ABCC4: variants seen among roughly 807,000 people sequenced by gnomAD.
ABCC4 encodes the protein ATP-binding cassette sub-family C member 4.
A neutral mutation model predicts 168.5 loss-of-function variants in ABCC4; 102 were observed. That is an observed-to-expected ratio of 0.61 (90% CI 0.52 to 0.71). The LOEUF is 0.71. ABCC4 is among the 30% of genes least tolerant of loss of function. ABCC4 has a pLI of 0.00. For synonymous variants in ABCC4, 617 were observed against 590.7 expected, an observed-to-expected ratio of 1.04 and a Z score of -0.65; for missense variants, 1,402 against 1,605.8, an observed-to-expected ratio of 0.87 and a Z score of 2.17.
At chr13:95,138,698 T>C (rs902995537) in intron 19 of ABCC4, among the ~76,000 whole-genome samples, 1 of 152,210 alleles carries the variant, frequency 6.6e-6, no homozygotes. Flanking sequence ...TCCCTATTTT[T>C]ACTCTTAATA....
Position 95,298,082 on chromosome 13 carries a change from A to T in ABCC4, c.74+3159T>A, listed in dbSNP as rs2014671. ...GGCGGGCAGATCACCTGAGGTCAGG[A>T]GTTCAAGACCAGCCTGGCCAACATG... On this transcript the variant is annotated intron_variant, in intron 1 of 30. Coordinates refer to ENST00000645237, the MANE Select transcript of ABCC4 (RefSeq NM_005845.5). Among the ~76,000 whole-genome samples, 1,062 of 152,264 alleles carry T rather than the reference A, an allele frequency of 7.0e-3. 14 individuals carry two copies. The highest frequency in any genetic ancestry group is 0.024 in the African/African-American group (1,015 of 41,552).
chr13:95,195,864 C>T (rs9561806), intron 8 of ABCC4, among the ~76,000 whole-genome samples: 14,302 of 152,080 alleles, frequency 0.094, 860 homozygotes, highest in East Asian at 0.2. Flanking sequence ...GAACTGCTGG[C>T]CTCAAGCAAT....
At chr13:95,178,383 G>C (rs920492126) in intron 11 of ABCC4, among the ~76,000 whole-genome samples, 4 of 152,190 alleles carry the variant, frequency 2.6e-5, no homozygotes. Flanking sequence ...TGTGAATTCA[G>C]CAGCGAAAGA....
chr13:95,165,914 C>T (rs2139559130), intron 15 of ABCC4, among the ~76,000 whole-genome samples: 1 of 152,270 alleles, frequency 6.6e-6, no homozygotes, highest in Non-Finnish European at 1.5e-5. Context: ...TTAGGACTTG[C>T]ACCAGCATAC....
intron 21 of ABCC4, among the ~76,000 whole-genome samples, chr13:95,082,732 A>G (rs1211126134): frequency 1.3e-5 from 2 of 152,160 alleles, no homozygotes; most frequent in Non-Finnish European, 2.9e-5. Flanking sequence ...CTTCGGGGAA[A>G]GATACTAAAA....
At chr13:95,115,546 T>A (rs1212196110) in intron 20 of ABCC4, among the ~76,000 whole-genome samples, 1 of 149,168 alleles carries the variant, frequency 6.7e-6, no homozygotes, top group African/African-American at 2.5e-5. Context: ...TTTGTGGTAA[T>A]ACAATGCATA....
intron 20 of ABCC4, among the ~76,000 whole-genome samples, chr13:95,113,579 AAAAAAATTACAT>A (rs770312931): frequency 0.012 from 1,811 of 152,258 alleles, 18 homozygotes; most frequent in Non-Finnish European, 0.018. Flanking sequence ...AAAAAAAAAA[AAAAAAATTACAT>A]TTAGATTTTT....
rs562932650 is a variant in ABCC4, at chr13:95,171,378, T to C, written c.1728-750A>G. On this transcript the variant is annotated intron_variant, in intron 13 of 30. Transcript: ENST00000645237. Reference sequence around the variant, plus strand: ...TCAAAGTTCTCCTACATTGTAAACGTAGACTCCTGGGAGCTACAAAAAAAA... The same window carrying C: ...TCAAAGTTCTCCTACATTGTAAACGCAGACTCCTGGGAGCTACAAAAAAAA... Among the ~76,000 whole-genome samples the C allele has an allele frequency of 6.9e-5, 9 of 129,960 alleles. 1 individual carries two copies. Among genetic ancestry groups the C allele is most frequent in the Admixed American group, 6.5e-4 (8 of 12,234 alleles). The allele number at this position is 129,960 out of a possible 152,430, so 85.3% of individuals were successfully genotyped here. A position where few individuals can be genotyped will look rare whatever the true frequency, so the allele number is the denominator to read the frequency against.
chr13:95,084,259 A>G (rs950104649), intron 20 of ABCC4, among the ~76,000 whole-genome samples: 7 of 152,160 alleles, frequency 4.6e-5, no homozygotes, highest in Admixed American at 1.3e-4. Flanking sequence ...GCACAGGGAG[A>G]AAAAAGTAAC....
chr13:95,091,764 AACACAAAGTAC>A (rs993080963), intron 20 of ABCC4, among the ~76,000 whole-genome samples: 8 of 152,116 alleles, frequency 5.3e-5, no homozygotes, highest in Non-Finnish European at 1.0e-4. Flanking sequence ...AAACAAAAAA[AACACAAAGTAC>A]ACAGACAACA....
chr13:95,284,230 A>C (rs890827047), intron 1 of ABCC4, among the ~76,000 whole-genome samples: 1 of 152,152 alleles, frequency 6.6e-6, no homozygotes, highest in Non-Finnish European at 1.5e-5. Context: ...TGTGTTGTCC[A>C]GGCTGGAGTG....
At chr13:95,163,307 C>T (rs1471595603) in intron 17 of ABCC4, 91 bp from the exon 18 acceptor site, 15 of 855,264 alleles carry the variant, frequency 1.8e-5, no homozygotes, top group Admixed American at 4.6e-5. Context: ...TTGGGAGAAA[C>T]GCTTCATGCT....
Position 95,185,911 on chromosome 13 carries a change from T to C in ABCC4, c.1545+790A>G, listed in dbSNP as rs533213345. Among the ~76,000 whole-genome samples the C allele has an allele frequency of 2.0e-5, 3 of 152,118 alleles. No homozygotes were observed. The South Asian group carries it at 6.2e-4, about 32-fold the overall frequency. On this transcript the variant is annotated intron_variant, in intron 11 of 30. Transcript: ENST00000645237. ...AAAACAGTTTCCTTTAAATAATAAA[T>C]TGCACTGTAAATTTATCCATGTAAC...
At chr13:95,030,145 C>T (rs994176852) in intron 30 of ABCC4, among the ~76,000 whole-genome samples, 1 of 152,234 alleles carries the variant, frequency 6.6e-6, no homozygotes, top group African/African-American at 2.4e-5. Flanking sequence ...CTCAGCCTCC[C>T]GAGTAGCTGA....
chr13:95,110,081 G>C (rs1330916278), intron 20 of ABCC4, among the ~76,000 whole-genome samples: 1 of 152,128 alleles, frequency 6.6e-6, no homozygotes, highest in Non-Finnish European at 1.5e-5. Context: ...GGCCGAGACG[G>C]GCAGATCACT....
intron 1 of ABCC4, chr13:95,269,387 C>G (rs1221110760): frequency 2.3e-6 from 1 of 439,166 alleles, no homozygotes; most frequent in Non-Finnish European, 4.6e-6. Context: ...GACTGCGCCA[C>G]TGCACTCCAG....
chr13:95,105,090 C>G (rs1238793840), intron 20 of ABCC4, among the ~76,000 whole-genome samples: 1 of 151,822 alleles, frequency 6.6e-6, no homozygotes, highest in Non-Finnish European at 1.5e-5. Flanking sequence ...TTTCCTGCAA[C>G]TAGATGGTCC....
intron 4 of ABCC4, among the ~76,000 whole-genome samples, chr13:95,231,403 A>G (rs956087158): frequency 1.3e-5 from 2 of 152,250 alleles, no homozygotes; most frequent in African/African-American, 4.8e-5. Flanking sequence ...GACATCCTGC[A>G]AGATCATTCA....
At chr13:95,155,186 T>A (rs2036815014) in intron 19 of ABCC4, among the ~76,000 whole-genome samples, 1 of 152,008 alleles carries the variant, frequency 6.6e-6, no homozygotes, top group Admixed American at 6.6e-5. Flanking sequence ...TAACTTCCCA[T>A]TCAGTCAAGC....
Sources: allele counts gnomAD v4.1 joint callset (sites outside exome capture counted in the v4.1 genomes callset), GRCh38; gene constraint gnomAD v4.1.1; transcripts MANE v1.5; gene names NCBI Gene and HGNC (gene_info 2026-07-23, HGNC 2026-07-21).